Variants in ITGB5 observed in about 807,000 individuals in gnomAD.
The protein encoded by ITGB5 is integrin beta-5.
A neutral mutation model predicts 84.8 loss-of-function variants in ITGB5; 38 were observed. The ratio of observed to expected loss-of-function variants is 0.45; its 90% confidence interval spans 0.35 to 0.59. ITGB5 has a LOEUF of 0.59. ITGB5 is among the 20% of genes least tolerant of loss of function. The pLI, the probability that ITGB5 is intolerant of heterozygous loss-of-function variation, is 0.01. For synonymous variants in ITGB5, 393 were observed against 414.4 expected (o/e 0.95, Z 0.63); for missense variants, 905 against 1,034.5 (o/e 0.87, Z 1.72).
chr3:124,768,770 T>G (rs755595287), intron 12 of ITGB5, among the ~76,000 whole-genome samples: 2 of 152,220 alleles, frequency 1.3e-5, no homozygotes, highest in South Asian at 2.1e-4. Context: ...GGGAGTGGAA[T>G]TGGCACATTG....
chr3:124,791,255 A>G (rs1475105364), intron 10 of ITGB5: 1 of 152,258 alleles, frequency 6.6e-6, no homozygotes, highest in Non-Finnish European at 1.5e-5. Context: ...CCTCGCACAC[A>G]CAGAAACAGT....
upstream of ITGB5, among the ~76,000 whole-genome samples, chr3:124,892,136 A>G (rs1935014576): frequency 6.6e-6 from 1 of 152,052 alleles, no homozygotes; most frequent in African/African-American, 2.4e-5. Context: ...AGTAGAATAG[A>G]GGTTACCAGA....
At position 124,896,554 on chromosome 3, in the gene ITGB5, A is replaced by G. The variant is rs138449500; in HGVS notation, c.-255+4712T>C. The stretch of plus-strand genomic sequence containing the variant: ...GCTTGAGCCCAGGAGCTTGAAACAG[A>G]CCAGCATGGGCAATATGGTGAAAGC... On this transcript the variant is annotated intron_variant, in intron 1 of 4. Coordinates refer to the ITGB5 transcript ENST00000608657. 7.6e-3 allele frequency among the ~76,000 whole-genome samples: 1,142 copies of G among 150,940 alleles called. 10 individuals are homozygous for G. The highest frequency in any genetic ancestry group is 0.026 in the African/African-American group (1,068 of 41,096).
At chr3:124,827,646 G>A (rs1478281434) in intron 5 of ITGB5, among the ~76,000 whole-genome samples, 1 of 152,170 alleles carries the variant, frequency 6.6e-6, no homozygotes, top group Non-Finnish European at 1.5e-5. Context: ...AATGATAAAT[G>A]TTCTTTGTGT....
At chr3:124,835,883 AT>A (rs1268616268) in intron 5 of ITGB5, among the ~76,000 whole-genome samples, 1 of 152,200 alleles carries the variant, frequency 6.6e-6, no homozygotes, top group Non-Finnish European at 1.5e-5. Context: ...AATTTTCCAC[AT>A]TTTACAGGTG....
intron 4 of ITGB5, among the ~76,000 whole-genome samples, chr3:124,843,786 T>C (rs1039679092): frequency 6.6e-6 from 1 of 152,230 alleles, no homozygotes; most frequent in Non-Finnish European, 1.5e-5. Flanking sequence ...CCCTCTCATG[T>C]GTCTGTGCTG....
At chr3:124,795,569 A>G (rs199938380) in intron 10 of ITGB5, among the ~76,000 whole-genome samples, 2 of 151,978 alleles carry the variant, frequency 1.3e-5, no homozygotes, top group East Asian at 3.9e-4. Flanking sequence ...GGAACCTGTG[A>G]CTGTGTGGCC....
intron 4 of ITGB5, 62 bp downstream of exon 4, chr3:124,848,247 T>C: frequency 1.9e-6 from 3 of 1,579,592 alleles, no homozygotes; most frequent in Non-Finnish European, 2.6e-6. Flanking sequence ...TTGAGCTAAA[T>C]TTTCCTGCTT....
Position 124,875,475 on chromosome 3 carries a change from T to C in ITGB5, c.71-1944A>G, listed in dbSNP as rs565126621. Among the ~76,000 whole-genome samples, 380 of 45,040 alleles carry C rather than the reference T, an allele frequency of 8.4e-3. 11 individuals carry two copies. Among genetic ancestry groups the C allele is most frequent in the Admixed American group, 0.076 (333 of 4,402 alleles). The allele number at this position is 45,040 out of a possible 152,430, so 29.5% of individuals were successfully genotyped here. A position where few individuals can be genotyped will look rare whatever the true frequency, so the allele number is the denominator to read the frequency against. On this transcript the variant is annotated intron_variant, in intron 1 of 14. Transcript: ENST00000296181. ...CTGGGTGACAGAGCAAGACTCTGTC[T>C]CAAAAAAAAAAAAAAAAAAAGACAA...
rs570107019 is a variant in ITGB5, at chr3:124,798,131, C to T, written c.1264-1314G>A. 7.8e-5 allele frequency among the ~76,000 whole-genome samples: 11 copies of T among 141,824 alleles called. No individual in the cohort carries two copies. In the South Asian group the frequency reaches 2.3e-3, roughly 30 times the overall value. The allele number at this position is 141,824 out of a possible 152,430, so 93.0% of individuals were successfully genotyped here. A position where few individuals can be genotyped will look rare whatever the true frequency, so the allele number is the denominator to read the frequency against. On this transcript the variant is annotated intron_variant, in intron 9 of 14. Transcript: ENST00000296181. ...GCGGTGGCATGCACTCAGCTCACTGCAATCTCCACCTCCCGGGTTCAAGCC... is the reference window on the plus strand; with the variant it reads ...GCGGTGGCATGCACTCAGCTCACTGTAATCTCCACCTCCCGGGTTCAAGCC...
chr3:124,894,128 A>ATTTTGTTTTT (rs1935052056), intron 1 of ITGB5, among the ~76,000 whole-genome samples: 1 of 61,952 alleles, frequency 1.6e-5, no homozygotes, highest in Non-Finnish European at 3.5e-5. Flanking sequence ...AAGTTGTGAT[A>ATTTTGTTTTT]TTTTTCTTTT....
chr3:124,848,610 G>A, intron 3 of ITGB5, 52 bp from the exon 4 acceptor site: 2 of 1,557,844 alleles, frequency 1.3e-6, no homozygotes, highest in Non-Finnish European at 1.7e-6. Context: ...CCTGCTGAGG[G>A]CTGAGGGATG....
chr3:124,805,300 G>A (rs1341478404), intron 9 of ITGB5, among the ~76,000 whole-genome samples: 7 of 151,780 alleles, frequency 4.6e-5, no homozygotes, highest in South Asian at 4.1e-4. Flanking sequence ...TCTCCACCAC[G>A]CCCAGATGAT....
chr3:124,814,891 C>T (rs1579240001), intron 8 of ITGB5, among the ~76,000 whole-genome samples: 1 of 152,132 alleles, frequency 6.6e-6, no homozygotes, highest in Non-Finnish European at 1.5e-5. Flanking sequence ...TCTGGGAATT[C>T]GTGCCAGGTT....
rs1579297214 is a variant in ITGB5 at position 124,853,240 on chromosome 3, CAACTG to C, written c.362-4687_362-4683del. Among the ~76,000 whole-genome samples, 7 of 152,298 alleles carry C rather than the reference CAACTG, an allele frequency of 4.6e-5. 2 individuals carry two copies. On this transcript the variant is annotated intron_variant, in intron 3 of 14. Coordinates refer to ENST00000296181, the MANE Select transcript of ITGB5 (RefSeq NM_002213.5). ...AATCAACTCTATTATAACAGGACTA[CAACTG>C]AACAGAAAATTAAGGCCCTGGTGCA...
chr3:124,879,129 C>T (rs992700196), intron 1 of ITGB5, among the ~76,000 whole-genome samples: 1 of 152,174 alleles, frequency 6.6e-6, no homozygotes, highest in Non-Finnish European at 1.5e-5. Flanking sequence ...AAATGTTTAT[C>T]CTAAGCCAAC....
intron 14 of ITGB5, 58 bp from the exon 15 acceptor site, chr3:124,763,776 G>T: frequency 1.0e-6 from 1 of 996,150 alleles, no homozygotes; most frequent in South Asian, 1.4e-5. Context: ...CACTCAAACC[G>T]ACAGACGCAG....
At chr3:124,856,832 C>T (rs2065228135) in intron 3 of ITGB5, among the ~76,000 whole-genome samples, 1 of 152,202 alleles carries the variant, frequency 6.6e-6, no homozygotes, top group Admixed American at 6.5e-5. Flanking sequence ...TTCTCTTTCC[C>T]CAGAGGACAT....
At chr3:124,773,282 T>TCAAA (rs2063874535) in intron 11 of ITGB5, among the ~76,000 whole-genome samples, 1 of 152,190 alleles carries the variant, frequency 6.6e-6, no homozygotes. Context: ...TTGGGAGATA[T>TCAAA]CAGTGTGGGG....
Sources: allele counts gnomAD v4.1 joint callset (sites outside exome capture counted in the v4.1 genomes callset), GRCh38; gene constraint gnomAD v4.1.1; transcripts MANE v1.5; gene names NCBI Gene and HGNC (gene_info 2026-07-23, HGNC 2026-07-21).